Variants in LMOD1 observed in about 807,000 individuals in gnomAD.
The protein encoded by LMOD1 is leiomodin 1, also known as leiomodin-1.
Under a neutral mutation model 36.5 loss-of-function variants are expected in LMOD1, and 8 were observed. The observed-to-expected ratio is 0.22, with a 90% CI of 0.13 to 0.40. The LOEUF is 0.40. Among genes scored for constraint, LMOD1 ranks in the 10% least tolerant of loss-of-function variants. The pLI is 1.00. For synonymous variants in LMOD1, 284 were observed against 288.7 expected, an observed-to-expected ratio of 0.98 and a Z score of 0.17; for missense variants, 630 against 751.1, an observed-to-expected ratio of 0.84 and a Z score of 1.88.
chr1:201,946,048 C>G (rs751685129), intron 1 of LMOD1, 32 bp downstream of exon 1: 1 of 1,596,054 alleles, frequency 6.3e-7, no homozygotes, highest in Admixed American at 1.7e-5. Flanking sequence ...TCCCCTGTCT[C>G]CCTCCTCCCC....
In LMOD1 at chr1:201,900,106, A is replaced by C. The variant is rs1475561800; in HGVS notation, c.907T>G (p.Ser303Ala). The change falls in exon 2 of 3, where the codon TCT becomes GCT. Residue 303 changes from serine (S) to alanine (A), a missense_variant. Transcript: ENST00000367288. ...TCCTCCACCTTGGCCGGTCCTTCAG[A>C]GGGCTTGGTGGGGCCACTGGGCGTC... Reference protein sequence around the residue: ...KQTPSGPTKPSEGPAKVEEEA... With the variant: ...KQTPSGPTKPAEGPAKVEEEA... 1 of 1,613,734 alleles carries C rather than the reference A, an allele frequency of 6.2e-7. No individual in the cohort carries two copies.
intron 1 of LMOD1, among the ~76,000 whole-genome samples, chr1:201,937,550 G>A (rs1194273376): frequency 5.9e-5 from 9 of 152,078 alleles, no homozygotes; most frequent in Admixed American, 5.9e-4. Flanking sequence ...GATCATTTGA[G>A]CCCAGGAGTT....
rs1242900665 is a variant in LMOD1 at position 201,944,657 on chromosome 1, C to T, written c.261+1423G>A. ...CTTGTGCATACAGGACAATAAATTC[C>T]TGAGCCTCCTGGCTTCCCTCCTTCC... is the stretch of plus-strand genomic sequence containing the variant. On this transcript the variant is annotated intron_variant, in intron 1 of 2. Transcript: ENST00000367288. Among the ~76,000 whole-genome samples, 3 of 151,932 alleles carry T rather than the reference C, an allele frequency of 2.0e-5. No homozygotes were observed. In the East Asian group the frequency reaches 5.8e-4, roughly 29 times the overall value.
intron 1 of LMOD1, among the ~76,000 whole-genome samples, chr1:201,919,261 T>C (rs1317555005): frequency 6.6e-6 from 1 of 151,554 alleles, no homozygotes; most frequent in Non-Finnish European, 1.5e-5. Context: ...TCACCCAGGC[T>C]GGAGTGCAGT....
At position 201,901,581 on chromosome 1, in the gene LMOD1, T is replaced by C. The variant is rs1161732101; in HGVS notation, c.262-830A>G. 2.8e-3 allele frequency among the ~76,000 whole-genome samples: 67 copies of C among 24,106 alleles called. 9 individuals are homozygous for C. The highest frequency in any genetic ancestry group is 0.012 in the Admixed American group (18 of 1,486). 15.8% of individuals were successfully genotyped at this position (24,106 alleles called of 152,430 possible). A position where few individuals can be genotyped will look rare whatever the true frequency, so the allele number is the denominator to read the frequency against. ...ATATATATGTATATATATATATATA[T>C]ATACATATATATATGTATATATATA... On this transcript the variant is annotated intron_variant, in intron 1 of 2. Coordinates refer to ENST00000367288, the MANE Select transcript of LMOD1 (RefSeq NM_012134.3).
At chr1:201,904,335 C>T (rs1681377802) in intron 1 of LMOD1, among the ~76,000 whole-genome samples, 1 of 152,138 alleles carries the variant, frequency 6.6e-6, no homozygotes, top group Non-Finnish European at 1.5e-5. Context: ...CTCAGCCTCC[C>T]AAGTAGCTGG....
chr1:201,932,535 T>G (rs1301785002), intron 1 of LMOD1, among the ~76,000 whole-genome samples: 2 of 152,018 alleles, frequency 1.3e-5, no homozygotes, highest in African/African-American at 2.4e-5. Context: ...GTGGATCGCT[T>G]GAGCCTAGGA....
chr1:201,932,476 G>T (rs1283155310), intron 1 of LMOD1, among the ~76,000 whole-genome samples: 1 of 152,098 alleles, frequency 6.6e-6, no homozygotes, highest in East Asian at 1.9e-4. Flanking sequence ...GATGGGCCGG[G>T]AGTGGTGGTT....
In LMOD1 at chr1:201,899,106, A is replaced by G. The variant is rs1471786913; in HGVS notation, c.1776+131T>C. 1.4e-5 allele frequency: 11 copies of G among 767,080 alleles called. No individual in the cohort carries two copies. Among genetic ancestry groups the G allele is most frequent in the East Asian group, 2.7e-5 (1 of 36,632 alleles). The allele number at this position is 767,080 out of a possible 1,614,324, so 47.5% of individuals were successfully genotyped here. A position where few individuals can be genotyped will look rare whatever the true frequency, so the allele number is the denominator to read the frequency against. Reference sequence around the variant, plus strand: ...TGCATGAGATGACCTGAAGTCCCCTATGGGCCCTGGGAGTCTATATCATCT... The same window carrying G: ...TGCATGAGATGACCTGAAGTCCCCTGTGGGCCCTGGGAGTCTATATCATCT... On this transcript the variant is annotated intron_variant, in intron 2 of 2. Transcript: ENST00000367288. This position sits in a 1 kb window ranked among gnomAD's most constrained non-coding sequence, Gnocchi z 6.3.
intron 1 of LMOD1, among the ~76,000 whole-genome samples, chr1:201,940,183 C>CTTTTTT (rs34390949): frequency 1.8e-4 from 22 of 123,408 alleles, no homozygotes; most frequent in South Asian, 2.7e-4. Flanking sequence ...CAGCCAAGCT[C>CTTTTTT]TTTTTTTTTT....
At chr1:201,933,414 C>CA (rs1238126370) in intron 1 of LMOD1, among the ~76,000 whole-genome samples, 1,677 of 126,042 alleles carry the variant, frequency 0.013, 38 homozygotes, top group African/African-American at 0.041. Context: ...AACTCTGTCT[C>CA]AAAAAAAAAA....
At chr1:201,916,126 C>G (rs1262046674) in intron 1 of LMOD1, among the ~76,000 whole-genome samples, 1 of 151,848 alleles carries the variant, frequency 6.6e-6, no homozygotes, top group Non-Finnish European at 1.5e-5. Flanking sequence ...CCATGTTGCC[C>G]AGGCTGGTCT....
chr1:201,930,822 G>C (rs1681905385), intron 1 of LMOD1, among the ~76,000 whole-genome samples: 1 of 152,212 alleles, frequency 6.6e-6, no homozygotes, highest in Non-Finnish European at 1.5e-5. Context: ...CAGCTAGAGA[G>C]ATGAAAGGAA....
chr1:201,941,789 T>C (rs562783474), intron 1 of LMOD1, among the ~76,000 whole-genome samples: 42 of 152,188 alleles, frequency 2.8e-4, no homozygotes, highest in African/African-American at 1.0e-3. Flanking sequence ...GCTTCTCGAG[T>C]TTACCTCTAG....
chr1:201,909,792 G>A (rs541538172), intron 1 of LMOD1, among the ~76,000 whole-genome samples: 2 of 152,226 alleles, frequency 1.3e-5, no homozygotes, highest in South Asian at 4.1e-4. Flanking sequence ...ACTCTACAAC[G>A]CATCCCCATG....
At chr1:201,925,934 G>A (rs937376171) in intron 1 of LMOD1, among the ~76,000 whole-genome samples, 3 of 152,026 alleles carry the variant, frequency 2.0e-5, no homozygotes, top group Non-Finnish European at 4.4e-5. Flanking sequence ...GGCTGGTCTC[G>A]AACTCCTGGG....
At chr1:201,911,483 G>A (rs1253701602) in intron 1 of LMOD1, among the ~76,000 whole-genome samples, 3 of 152,116 alleles carry the variant, frequency 2.0e-5, no homozygotes, top group Non-Finnish European at 4.4e-5. Context: ...TGGCCAACAT[G>A]GTGAAACCCC....
chr1:201,929,999 T>G (rs1203466885), intron 1 of LMOD1, among the ~76,000 whole-genome samples: 1 of 152,150 alleles, frequency 6.6e-6, no homozygotes, highest in African/African-American at 2.4e-5. Flanking sequence ...GAATGAGGGT[T>G]GGCTAGGCTT....
At chr1:201,927,161 G>A (rs1454629610) in intron 1 of LMOD1, among the ~76,000 whole-genome samples, 2 of 152,050 alleles carry the variant, frequency 1.3e-5, no homozygotes, top group African/African-American at 4.8e-5. Context: ...CTGCTTTTAA[G>A]GCAAAGATTA....
Sources: gnomAD v4.1 joint callset for allele counts (sites outside exome capture counted in the v4.1 genomes callset) on GRCh38, gnomAD v4.1.1 for gene constraint, Gnocchi (gnomAD v3.1) non-coding constraint, MANE v1.5 for transcripts, NCBI Gene and HGNC (gene_info 2026-07-23, HGNC 2026-07-21) for gene names.